The following SRI variants were observed in gnomAD, a reference collection of about 807,000 sequenced individuals.
SRI encodes sorcin, also known as 22 kDa protein.
In SRI, 30 loss-of-function variants were observed where a neutral mutation model predicts 33.3. The ratio of observed to expected loss-of-function variants is 0.90; its 90% CI spans 0.67 to 1.22. The LOEUF (loss-of-function observed/expected upper bound fraction) is 1.22, where lower values mean the gene tolerates loss of function less well. SRI is among the 50% of genes most tolerant of loss of function. SRI has a pLI of 0.00. For synonymous variants in SRI, 75 were observed against 89.9 expected (o/e 0.83, Z 0.94); for missense variants, 243 against 250.8 (o/e 0.97, Z 0.21).
chr7:88,210,576 G>A (rs1338931299), intron 4 of SRI: 1 of 391,290 alleles, frequency 2.6e-6, no homozygotes, highest in African/African-American at 2.0e-5. Flanking sequence ...CAAGTGGGAT[G>A]TGAAAAATCC....
rs752387671 is a variant in SRI at position 88,210,902 on chromosome 7, G to A, written c.229C>T (p.Leu77Phe). Residue 77 changes from leucine to phenylalanine, a missense_variant, in exon 4 of 8, where the codon CTT becomes TTT. Leu to Phe is a conservative substitution (Grantham distance 22, BLOSUM62 0). Coordinates refer to ENST00000265729, the MANE Select transcript of SRI (RefSeq NM_003130.4). Reference sequence around the variant, plus strand: ...GATACATCCAGCATTGAAACCATAAGCCGGCAAGTCTCCAGGTTAAAAGCT... The same window carrying A: ...GATACATCCAGCATTGAAACCATAAACCGGCAAGTCTCCAGGTTAAAAGCT... ...YKPFNLETCR[L>F]MVSMLDRDMS... 4 of 1,613,518 alleles carry A rather than the reference G, an allele frequency of 2.5e-6. No individual in the cohort carries two copies. Among genetic ancestry groups the A allele is most frequent in the Non-Finnish European group, 3.4e-6 (4 of 1,179,716 alleles).
chr7:88,205,677 A>G lies in SRI; in HGVS notation c.*801T>C, dbSNP rs957225401. On this transcript the variant is annotated 3_prime_UTR_variant, in exon 8 of 8. Transcript: ENST00000265729. ...ATTTTTTAAAGTGTGAATACATGGTATATCAAAATGGATGTATCAGTATTT... is the reference window on the plus strand; with the variant it reads ...ATTTTTTAAAGTGTGAATACATGGTGTATCAAAATGGATGTATCAGTATTT... The G allele has an allele frequency of 4.6e-5, 7 of 152,224 alleles. No individual in the cohort carries two copies. The South Asian group carries it at 8.3e-4, about 18-fold the overall frequency. 9.4% of individuals were successfully genotyped at this position (152,224 alleles called of 1,614,324 possible).
At chr7:88,223,888 T>A (rs1441589796), upstream of SRI, among the ~76,000 whole-genome samples, 2 of 152,158 alleles carry the variant, frequency 1.3e-5, no homozygotes, top group Non-Finnish European at 2.9e-5. Context: ...TACAGTTATT[T>A]GTCAGAACGA....
chr7:88,221,920 T>C (rs1393128933), upstream of SRI, among the ~76,000 whole-genome samples: 1 of 148,226 alleles, frequency 6.7e-6, no homozygotes, highest in Non-Finnish European at 1.5e-5. Flanking sequence ...TTCCCACCTA[T>C]GAGTGAGAAT....
Position 88,205,612 on chromosome 7 carries a change from C to G in SRI, c.*866G>C, listed in dbSNP as rs1228881014. 6.6e-6 allele frequency: 1 copy of G among 152,110 alleles called. No individual in the cohort carries two copies. The highest frequency in any genetic ancestry group is 2.4e-5 in the African/African-American group (1 of 41,418). The allele number at this position is 152,110 out of a possible 1,614,324, so 9.4% of individuals were successfully genotyped here. On this transcript the variant is annotated 3_prime_UTR_variant, in exon 8 of 8. Transcript: ENST00000265729. ...TCCTGACTCCCAGTGGTAGCCAGAT[C>G]AATGTTTTGGTACATACTTTCCGAT...
chr7:88,225,755 CT>C (rs771802809), intron 1 of SRI, among the ~76,000 whole-genome samples: 2 of 152,058 alleles, frequency 1.3e-5, no homozygotes, highest in Non-Finnish European at 2.9e-5. Flanking sequence ...ATTGTTTTTT[CT>C]TTTCCTGAAC....
chr7:88,224,259 C>T (rs888267206), upstream of SRI, among the ~76,000 whole-genome samples: 3 of 152,206 alleles, frequency 2.0e-5, no homozygotes, highest in Non-Finnish European at 4.4e-5. Flanking sequence ...AGTGTGGACA[C>T]TTTCTTATTC....
intron 4 of SRI, chr7:88,210,404 T>C: frequency 8.6e-6 from 4 of 462,824 alleles, no homozygotes; most frequent in South Asian, 8.3e-5. Context: ...AGCGGTCTTG[T>C]TACTGGAACT....
At chr7:88,225,239 G>A (rs537317549) in intron 1 of SRI, among the ~76,000 whole-genome samples, 4 of 152,236 alleles carry the variant, frequency 2.6e-5, no homozygotes, top group African/African-American at 9.6e-5. Flanking sequence ...AGCTGATGTT[G>A]GAGGAATTTA....
chr7:88,209,378 C>G lies in SRI; in HGVS notation c.472G>C (p.Asp158His), dbSNP rs200449322. The change falls in exon 6 of 8, where the codon GAC becomes CAC. Residue 158 changes from aspartate (D) to histidine (H), a missense_variant. Coordinates refer to ENST00000265729, the MANE Select transcript of SRI (RefSeq NM_003130.4). The part of the protein sequence containing the change: ...YSTNGKITFD[D>H]YIACCVKLRA... The stretch of plus-strand genomic sequence containing the variant: ...AGTTTGACGCAGCAGGCGATGTAGT[C>G]GTCGAAGGTGATCTTTCCATTGGTG... 1.2e-6 allele frequency: 2 copies of G among 1,613,888 alleles called. No homozygotes were observed. Among genetic ancestry groups the G allele is most frequent in the African/African-American group, 1.3e-5 (1 of 74,916 alleles).
chr7:88,221,518 G>A (rs1475988111), upstream of SRI, among the ~76,000 whole-genome samples: 1 of 152,202 alleles, frequency 6.6e-6, no homozygotes, highest in Non-Finnish European at 1.5e-5. Context: ...GTAGATGTCA[G>A]GGCCGAACTC....
At chr7:88,210,349 T>A in intron 4 of SRI, 2 of 585,488 alleles carry the variant, frequency 3.4e-6, no homozygotes, top group Non-Finnish European at 6.0e-6. Flanking sequence ...CTTACATGAC[T>A]TGATTATAAG....
chr7:88,217,134 C>T lies in SRI; in HGVS notation c.193G>A (p.Gly65Arg). ...ACTGTCAACTTACGTTTGTATCCTC[C>T]AGCAATGCCAGACTGTGTCAGACAT... is the stretch of plus-strand genomic sequence containing the variant. ...QRCLTQSGIA[G>R]GYKPFNLETC... Residue 65 changes from glycine to arginine, a missense_variant, in exon 3 of 8, where the codon GGA (glycine) becomes AGA (arginine). By Grantham distance (125) the Gly-to-Arg change is moderately radical (BLOSUM62 -2). Transcript: ENST00000265729. The T allele has an allele frequency of 6.2e-7, 1 of 1,613,566 alleles. No homozygotes were observed. Among genetic ancestry groups the T allele is most frequent in the Non-Finnish European group, 8.5e-7 (1 of 1,179,976 alleles).
intron 2 of SRI, among the ~76,000 whole-genome samples, chr7:88,217,580 T>C (rs915222507): frequency 6.6e-6 from 1 of 152,216 alleles, no homozygotes; most frequent in African/African-American, 2.4e-5. Context: ...TCTTATGATA[T>C]AGTGAATCAT....
chr7:88,222,475 A>C (rs1408693689), upstream of SRI, among the ~76,000 whole-genome samples: 1 of 151,142 alleles, frequency 6.6e-6, no homozygotes, highest in Non-Finnish European at 1.5e-5. Flanking sequence ...TTTTGGCTGC[A>C]TAAATGTCTT....
chr7:88,215,002 C>G (rs1455978342), intron 3 of SRI: 1 of 464,930 alleles, frequency 2.2e-6, no homozygotes, highest in Non-Finnish European at 4.3e-6. Context: ...CTTCTCTCAC[C>G]AACTCCACCT....
intron 3 of SRI, among the ~76,000 whole-genome samples, chr7:88,213,327 G>A (rs1851625809): frequency 6.6e-6 from 1 of 152,072 alleles, no homozygotes. Context: ...GGTACATAAG[G>A]TAACACACTT....
At chr7:88,208,219 T>C in intron 7 of SRI, 1 of 445,526 alleles carries the variant, frequency 2.2e-6, no homozygotes, top group Non-Finnish European at 3.5e-6. Flanking sequence ...TCTTTATTCA[T>C]ATAGTGTCAC....
chr7:88,226,806 G>C, intron 1 of SRI: 1 of 1,266,688 alleles, frequency 7.9e-7, no homozygotes, highest in Non-Finnish European at 1.1e-6. Context: ...CCATGGATCA[G>C]TAGAACTACA....
Sources: gnomAD v4.1 joint callset for allele counts (sites outside exome capture counted in the v4.1 genomes callset) on GRCh38, gnomAD v4.1.1 for gene constraint, MANE v1.5 for transcripts, NCBI Gene and HGNC (gene_info 2026-07-23, HGNC 2026-07-21) for gene names.